PPFIA2: variants seen among roughly 807,000 people sequenced by gnomAD.
PPFIA2 encodes the protein liprin-alpha-2.
A neutral mutation model predicts 175.5 loss-of-function variants in PPFIA2; 46 were observed. The ratio of observed to expected loss-of-function variants is 0.26; its 90% CI spans 0.21 to 0.34. PPFIA2 has a LOEUF of 0.34. PPFIA2 is among the 10% of genes least tolerant of loss of function. The pLI is 1.00. For synonymous variants in PPFIA2, 568 were observed against 511.4 expected, an observed-to-expected ratio of 1.11 and a Z score of -1.49; for missense variants, 1,179 against 1,506.1, an observed-to-expected ratio of 0.78 and a Z score of 3.60.
At position 81,579,168 on chromosome 12, in the gene PPFIA2, A is replaced by G. The variant is rs556898480; in HGVS notation, c.303+97623T>C. Among the ~76,000 whole-genome samples the G allele has an allele frequency of 3.5e-4, 53 of 151,904 alleles. 1 individual carries two copies. In the South Asian group the frequency reaches 6.8e-3, roughly 20 times the overall value. On this transcript the variant is annotated intron_variant, in intron 4 of 32. Coordinates refer to ENST00000549396, the MANE Select transcript of PPFIA2 (RefSeq NM_003625.5). ...AATTTGTAATTTCGAACTTTTATAAAAGCAAAAGTGACACTCATAATAGGC... is the reference window on the plus strand; with the variant it reads ...AATTTGTAATTTCGAACTTTTATAAGAGCAAAAGTGACACTCATAATAGGC...
chr12:81,638,582 T>C (rs1218865208), intron 4 of PPFIA2, among the ~76,000 whole-genome samples: 1 of 151,628 alleles, frequency 6.6e-6, no homozygotes, highest in African/African-American at 2.4e-5. Flanking sequence ...GATCGCTTTA[T>C]AAATTTGGGA....
chr12:81,410,242 C>G (rs1373899101), intron 7 of PPFIA2, among the ~76,000 whole-genome samples: 1 of 152,102 alleles, frequency 6.6e-6, no homozygotes, highest in Non-Finnish European at 1.5e-5. Flanking sequence ...CACAGCAGCA[C>G]AAATGGACTA....
At chr12:81,350,933 A>T (rs2059898571) in intron 17 of PPFIA2, among the ~76,000 whole-genome samples, 1 of 152,126 alleles carries the variant, frequency 6.6e-6, no homozygotes, top group Non-Finnish European at 1.5e-5. Flanking sequence ...AAGACTTAAA[A>T]CCTGTTCACC....
At chr12:81,601,610 T>C (rs1030662125) in intron 4 of PPFIA2, among the ~76,000 whole-genome samples, 3 of 151,150 alleles carry the variant, frequency 2.0e-5, no homozygotes, top group Non-Finnish European at 4.4e-5. Flanking sequence ...TTTTTTTTTC[T>C]GTAGGGAAGC....
intron 16 of PPFIA2, among the ~76,000 whole-genome samples, chr12:81,355,376 T>C (rs996181933): frequency 2.6e-5 from 4 of 152,088 alleles, no homozygotes; most frequent in African/African-American, 9.7e-5. Flanking sequence ...ACAGGTAGAG[T>C]AGATTTAGCA....
rs572919924 is a variant in PPFIA2 at position 81,603,231 on chromosome 12, A to C, written c.303+73560T>G. Among the ~76,000 whole-genome samples the C allele has an allele frequency of 4.6e-5, 7 of 151,908 alleles. No homozygotes were observed. The East Asian group carries it at 1.4e-3, about 29-fold the overall frequency. ...CACTCAAAGTCTTCTGTAACATTTAAATAAAATTAAGATAGTAAGACCCTA... is the reference window on the plus strand; with the variant it reads ...CACTCAAAGTCTTCTGTAACATTTACATAAAATTAAGATAGTAAGACCCTA... On this transcript the variant is annotated intron_variant, in intron 4 of 32. Transcript: ENST00000549396.
In PPFIA2 at chr12:81,380,636, G is replaced by A. The variant is rs549534421; in HGVS notation, c.984+3387C>T. On this transcript the variant is annotated intron_variant, in intron 9 of 32. Transcript: ENST00000549396. ...ACTGAATTATTTATTGTGCTGTGTT[G>A]ATTTTGGAAGCAGTTCATAGTGGAA... Among the ~76,000 whole-genome samples, 5 of 152,192 alleles carry A rather than the reference G, an allele frequency of 3.3e-5. No homozygotes were observed. In the East Asian group the frequency reaches 7.7e-4, roughly 24 times the overall value.
intron 4 of PPFIA2, among the ~76,000 whole-genome samples, chr12:81,575,579 T>TAAA (rs2073367853): frequency 6.6e-6 from 1 of 151,786 alleles, no homozygotes; most frequent in Non-Finnish European, 1.5e-5. Flanking sequence ...ATATGGGCTC[T>TAAA]GCTCTCTGGA....
At chr12:81,630,436 T>C (rs1465428195) in intron 4 of PPFIA2, among the ~76,000 whole-genome samples, 1 of 152,182 alleles carries the variant, frequency 6.6e-6, no homozygotes, top group Non-Finnish European at 1.5e-5. Context: ...GTAGCTTCTA[T>C]AGAACATACA....
At chr12:81,642,703 T>TGTATATCTTATATACATAA (rs1173180908) in intron 4 of PPFIA2, among the ~76,000 whole-genome samples, 1 of 13,928 alleles carries the variant, frequency 7.2e-5, no homozygotes. Flanking sequence ...CATACATGTA[T>TGTATATCTTATATACATAA]ATGTATGTAT....
intron 7 of PPFIA2, among the ~76,000 whole-genome samples, chr12:81,417,606 A>G (rs1470090679): frequency 1.3e-5 from 2 of 151,788 alleles, no homozygotes; most frequent in Non-Finnish European, 3.0e-5. Flanking sequence ...TAACAAAAGC[A>G]TACTAAACCC....
intron 7 of PPFIA2, among the ~76,000 whole-genome samples, chr12:81,419,027 T>A (rs922103048): frequency 6.6e-6 from 1 of 151,998 alleles, no homozygotes; most frequent in African/African-American, 2.4e-5. Context: ...GAGGTGAAAT[T>A]TATTTCACCG....
chr12:81,569,229 A>G (rs1024553854), intron 4 of PPFIA2, among the ~76,000 whole-genome samples: 3 of 152,166 alleles, frequency 2.0e-5, no homozygotes, highest in Non-Finnish European at 4.4e-5. Context: ...TCTTTAACAA[A>G]TAAAAACATG....
intron 14 of PPFIA2, among the ~76,000 whole-genome samples, chr12:81,366,024 T>G (rs959760944): frequency 9.0e-6 from 1 of 110,658 alleles, no homozygotes; most frequent in Non-Finnish European, 1.8e-5. Flanking sequence ...CTTCCTTCCT[T>G]CCTTCCTTCC....
At chr12:81,630,975 C>T (rs907397052) in intron 4 of PPFIA2, among the ~76,000 whole-genome samples, 20 of 151,010 alleles carry the variant, frequency 1.3e-4, no homozygotes, top group African/African-American at 4.4e-4. Flanking sequence ...CAGCTCACTA[C>T]AACCTCTGCC....
At chr12:81,583,894 G>A (rs2074796177) in intron 4 of PPFIA2, among the ~76,000 whole-genome samples, 1 of 151,906 alleles carries the variant, frequency 6.6e-6, no homozygotes, top group Non-Finnish European at 1.5e-5. Context: ...TGGCTGGTAT[G>A]TATGTATTAA....
intron 18 of PPFIA2, among the ~76,000 whole-genome samples, chr12:81,346,524 AT>A (rs1477504574): frequency 6.7e-6 from 1 of 149,448 alleles, no homozygotes; most frequent in Non-Finnish European, 1.5e-5. Flanking sequence ...ATATTAATAT[AT>A]TTTTATAATA....
At chr12:81,542,133 T>C (rs112895456) in intron 4 of PPFIA2, among the ~76,000 whole-genome samples, 3,434 of 152,192 alleles carry the variant, frequency 0.023, 62 homozygotes, top group South Asian at 0.033. Flanking sequence ...TTTATTCTGG[T>C]GTACTTGGGT....
At chr12:81,690,916 A>G (rs1359019614) in intron 3 of PPFIA2, among the ~76,000 whole-genome samples, 1 of 152,098 alleles carries the variant, frequency 6.6e-6, no homozygotes, top group African/African-American at 2.4e-5. Context: ...CTATGTTCAC[A>G]TCTCTTTTTC....
Sources: gnomAD v4.1 joint callset for allele counts (sites outside exome capture counted in the v4.1 genomes callset) on GRCh38, gnomAD v4.1.1 for gene constraint, MANE v1.5 for transcripts, NCBI Gene and HGNC (gene_info 2026-07-23, HGNC 2026-07-21) for gene names.